Variants in PRKCA observed in about 807,000 individuals in gnomAD.
PRKCA encodes the protein protein kinase C alpha, also known as protein kinase C alpha type.
PRKCA carries 27 observed loss-of-function variants against 87.0 expected under a neutral mutation model. The observed-to-expected ratio is 0.31, with a 90% CI of 0.23 to 0.43. PRKCA has a LOEUF of 0.43. PRKCA is among the 20% of genes least tolerant of loss of function. PRKCA has a pLI of 1.00. For missense variants in PRKCA, 518 were observed against 852.3 expected (o/e 0.61, Z 4.88); for synonymous variants, 329 against 311.1 (o/e 1.06, Z -0.61).
chr17:66,640,261 C>T lies in PRKCA; in HGVS notation c.289-1094C>T, dbSNP rs150084795. On this transcript the variant is annotated intron_variant, in intron 3 of 16. Transcript: ENST00000413366. ...GGTAGTAGCAGAGCTGGAACCTGAACCCAGGCAGTGACTCCAGAATCTACG... is the reference window on the plus strand; with the variant it reads ...GGTAGTAGCAGAGCTGGAACCTGAATCCAGGCAGTGACTCCAGAATCTACG... 2.8e-3 allele frequency among the ~76,000 whole-genome samples: 429 copies of T among 152,292 alleles called. 4 individuals are homozygous for T. The highest frequency in any genetic ancestry group is 0.01 in the Middle Eastern group (3 of 294).
At chr17:66,718,497 TG>T (rs1183158417) in intron 8 of PRKCA, among the ~76,000 whole-genome samples, 3 of 152,184 alleles carry the variant, frequency 2.0e-5, no homozygotes, top group African/African-American at 7.2e-5. Context: ...AATTATTTTT[TG>T]TAGAGATGGG....
chr17:66,775,618 A>T, intron 14 of PRKCA: 1 of 985,442 alleles, frequency 1.0e-6, no homozygotes, highest in Non-Finnish European at 1.2e-6. Context: ...CCATAGCCAG[A>T]AGCCTTAGTC....
intron 9 of PRKCA, among the ~76,000 whole-genome samples, chr17:66,734,108 A>G (rs749483090): frequency 5.3e-5 from 8 of 152,170 alleles, no homozygotes; most frequent in Non-Finnish European, 1.2e-4. Flanking sequence ...CCCTCAACCC[A>G]TAGATAACTA....
chr17:66,460,164 G>T (rs1207254960), intron 2 of PRKCA, among the ~76,000 whole-genome samples: 1 of 152,034 alleles, frequency 6.6e-6, no homozygotes, highest in Non-Finnish European at 1.5e-5. Context: ...CAATTATTAC[G>T]CAAGGTATTG....
At chr17:66,659,936 C>T (rs541307288) in intron 5 of PRKCA, among the ~76,000 whole-genome samples, 2 of 152,152 alleles carry the variant, frequency 1.3e-5, no homozygotes, top group African/African-American at 2.4e-5. Flanking sequence ...TATTTAAAGG[C>T]GGGAAGGTGG....
At chr17:66,778,835 AC>A (rs1262486837) in intron 14 of PRKCA, among the ~76,000 whole-genome samples, 1 of 131,688 alleles carries the variant, frequency 7.6e-6, no homozygotes, top group Non-Finnish European at 1.6e-5. Context: ...AGAGAGTGAG[AC>A]CCTGTCTCCA....
intron 3 of PRKCA, among the ~76,000 whole-genome samples, chr17:66,576,719 C>G (rs956899619): frequency 6.6e-6 from 1 of 152,170 alleles, no homozygotes; most frequent in East Asian, 1.9e-4. Flanking sequence ...GGAACACACA[C>G]AGAGCCAGCA....
chr17:66,666,836 C>CA (rs1439282853), intron 5 of PRKCA, among the ~76,000 whole-genome samples: 2 of 151,410 alleles, frequency 1.3e-5, no homozygotes, highest in African/African-American at 4.9e-5. Flanking sequence ...AATCCCCCCC[C>CA]CACACACAAA....
intron 3 of PRKCA, among the ~76,000 whole-genome samples, chr17:66,605,780 T>C (rs190043250): frequency 6.6e-6 from 1 of 152,168 alleles, no homozygotes; most frequent in Non-Finnish European, 1.5e-5. Context: ...TGCTGCAACA[T>C]AGATGGACCT....
At chr17:66,724,176 T>C (rs1461331902) in intron 8 of PRKCA, among the ~76,000 whole-genome samples, 2 of 151,958 alleles carry the variant, frequency 1.3e-5, no homozygotes, top group Non-Finnish European at 2.9e-5. Context: ...CTAGGACCAG[T>C]GCCCAGCTAC....
At chr17:66,437,441 T>C (rs1056760435) in intron 2 of PRKCA, among the ~76,000 whole-genome samples, 2 of 152,204 alleles carry the variant, frequency 1.3e-5, no homozygotes, top group South Asian at 4.1e-4. Context: ...TTCTAAGCAT[T>C]GGGAAAGAAG....
At position 66,562,135 on chromosome 17, in the gene PRKCA, AATT is replaced by A. The variant is rs1271433542; in HGVS notation, c.288+65855_288+65857del. ...ATATATAATTAAATATATATAATTA[AATT>A]ATATATATAATTAAATTATATATAT... On this transcript the variant is annotated intron_variant, in intron 3 of 16. Coordinates refer to ENST00000413366, the MANE Select transcript of PRKCA (RefSeq NM_002737.3). 2.1e-4 allele frequency among the ~76,000 whole-genome samples: 4 copies of A among 19,470 alleles called. No homozygotes were observed. The African/African-American group carries it at 2.3e-3, about 11-fold the overall frequency. 12.8% of individuals were successfully genotyped at this position (19,470 alleles called of 152,430 possible).
At chr17:66,528,917 G>C (rs1301239560) in intron 3 of PRKCA, among the ~76,000 whole-genome samples, 1 of 152,174 alleles carries the variant, frequency 6.6e-6, no homozygotes, top group Non-Finnish European at 1.5e-5. Context: ...AGGGAAAAAT[G>C]GTAGAGTTTC....
At chr17:66,341,803 A>G (rs1907057870) in intron 2 of PRKCA, among the ~76,000 whole-genome samples, 1 of 152,188 alleles carries the variant, frequency 6.6e-6, no homozygotes, top group South Asian at 2.1e-4. Context: ...ATAAACATGT[A>G]TTTTGCATGT....
At chr17:66,587,932 T>TA in intron 3 of PRKCA, among the ~76,000 whole-genome samples, 1 of 136,188 alleles carries the variant, frequency 7.3e-6, no homozygotes, top group Non-Finnish European at 1.6e-5. Context: ...TATATATATA[T>TA]CCTGCAGTAG....
At chr17:66,328,407 A>G (rs968172863) in intron 2 of PRKCA, among the ~76,000 whole-genome samples, 4 of 152,044 alleles carry the variant, frequency 2.6e-5, no homozygotes, top group East Asian at 1.9e-4. Context: ...TAAAGGAGGA[A>G]AGGAGTTAAC....
intron 3 of PRKCA, among the ~76,000 whole-genome samples, chr17:66,564,399 GA>G (rs1968824272): frequency 6.6e-6 from 1 of 152,174 alleles, no homozygotes; most frequent in East Asian, 1.9e-4. Flanking sequence ...TGTTTAATGA[GA>G]CTACTAGAAA....
intron 2 of PRKCA, among the ~76,000 whole-genome samples, chr17:66,381,148 G>T (rs900895699): frequency 6.6e-6 from 1 of 151,958 alleles, no homozygotes; most frequent in African/African-American, 2.4e-5. Flanking sequence ...CGCTATGTTG[G>T]CTGGGCTGGT....
intron 3 of PRKCA, among the ~76,000 whole-genome samples, chr17:66,521,190 T>C (rs547376846): frequency 6.6e-6 from 1 of 152,270 alleles, no homozygotes; most frequent in East Asian, 1.9e-4. Context: ...GTCTGCAGTT[T>C]CTCTTGCAAG....
Sources: gnomAD v4.1 joint callset for allele counts (sites outside exome capture counted in the v4.1 genomes callset) on GRCh38, gnomAD v4.1.1 for gene constraint, MANE v1.5 for transcripts, NCBI Gene and HGNC (gene_info 2026-07-23, HGNC 2026-07-21) for gene names.